ELAPOR2: variants seen among roughly 807,000 people sequenced by gnomAD.
ELAPOR2 encodes the protein endosome/lysosome-associated apoptosis and autophagy regulator family member 2.
A neutral mutation model predicts 120.7 loss-of-function variants in ELAPOR2; 89 were observed. That is an observed-to-expected ratio of 0.74 (90% CI 0.62 to 0.88). ELAPOR2 has a LOEUF of 0.88. Ranked by LOEUF, ELAPOR2 falls within the 40% of genes least tolerant of loss-of-function variation. The probability of loss-of-function intolerance (pLI) is 0.00; values close to 1 mark genes in which losing one functional copy is unlikely to be tolerated. For missense variants in ELAPOR2, 1,134 were observed against 1,251.6 expected (o/e 0.91, Z 1.42); for synonymous variants, 444 against 444.9 (o/e 1.00, Z 0.03).
At chr7:87,049,950 A>C (rs1279453684) in intron 1 of ELAPOR2, among the ~76,000 whole-genome samples, 1 of 152,166 alleles carries the variant, frequency 6.6e-6, no homozygotes, top group East Asian at 1.9e-4. Flanking sequence ...TAGGTTCCTT[A>C]TAAAATAGAG....
At chr7:86,931,614 C>A (rs1790330070) in intron 8 of ELAPOR2, among the ~76,000 whole-genome samples, 1 of 151,750 alleles carries the variant, frequency 6.6e-6, no homozygotes, top group Admixed American at 6.6e-5. Context: ...CTAAGTCTCA[C>A]TAATTCAACA....
intron 3 of ELAPOR2, 141 bp from the exon 4 acceptor site, chr7:86,945,187 G>C: frequency 1.5e-6 from 1 of 652,794 alleles, no homozygotes; most frequent in Non-Finnish European, 2.5e-6. Context: ...AGACTCAAAG[G>C]CCAACTTTAT....
chr7:86,974,597 G>GTGTGTGTGTA (rs1554399268), intron 1 of ELAPOR2, among the ~76,000 whole-genome samples: 2 of 151,044 alleles, frequency 1.3e-5, no homozygotes, highest in Admixed American at 6.6e-5. Flanking sequence ...GTGTGTGTGT[G>GTGTGTGTGTA]TGTGTGTGTG....
At chr7:87,018,435 T>C (rs950330930) in intron 1 of ELAPOR2, among the ~76,000 whole-genome samples, 7 of 152,292 alleles carry the variant, frequency 4.6e-5, no homozygotes, top group Admixed American at 3.9e-4. Context: ...CCCTGACATG[T>C]AGGAATATTT....
At chr7:86,905,282 T>C (rs995839348) in intron 18 of ELAPOR2, among the ~76,000 whole-genome samples, 1 of 150,810 alleles carries the variant, frequency 6.6e-6, no homozygotes, top group African/African-American at 2.4e-5. Context: ...ACTTTTTTTT[T>C]TTTTCTGTCA....
intron 18 of ELAPOR2, among the ~76,000 whole-genome samples, 179 bp downstream of exon 18, chr7:86,907,491 C>T (rs1018813512): frequency 6.7e-6 from 1 of 149,798 alleles, no homozygotes; most frequent in Non-Finnish European, 1.5e-5. Flanking sequence ...TTAGATTGTA[C>T]AAGGACCTAT....
chr7:86,904,941 C>G (rs1788900907), intron 18 of ELAPOR2, among the ~76,000 whole-genome samples: 1 of 152,048 alleles, frequency 6.6e-6, no homozygotes, highest in African/African-American at 2.4e-5. Context: ...ACTTTTTGGT[C>G]AGCTTATGAA....
chr7:86,950,169 G>T (rs949062646), intron 2 of ELAPOR2, among the ~76,000 whole-genome samples: 2 of 152,316 alleles, frequency 1.3e-5, no homozygotes, highest in East Asian at 3.9e-4. Flanking sequence ...TGCTTATGAA[G>T]AGGAGCTAGT....
rs745996745 is a variant in ELAPOR2 at position 86,967,566 on chromosome 7, A to T, written c.190-2542T>A. Among the ~76,000 whole-genome samples, 59 of 152,206 alleles carry T rather than the reference A, an allele frequency of 3.9e-4. 2 individuals carry two copies. Among genetic ancestry groups the T allele is most frequent in the Admixed American group, 6.5e-5 (1 of 15,274 alleles). ...TTCTTATCATCCTAGCAAAATAATG[A>T]TACTGTGAAGTCATATGAATTTCAA... On this transcript the variant is annotated intron_variant, in intron 1 of 21. Transcript: ENST00000450689.
intron 3 of ELAPOR2, among the ~76,000 whole-genome samples, chr7:86,945,495 T>G (rs1445671163): frequency 6.6e-6 from 1 of 152,220 alleles, no homozygotes; most frequent in Non-Finnish European, 1.5e-5. Context: ...CTGTGTGTCA[T>G]GTGAAATGAA....
At position 86,892,934 on chromosome 7, in the gene ELAPOR2, T is replaced by C. The variant is rs1456347051; in HGVS notation, c.2852A>G (p.Lys951Arg). ...AGAGGGTACTTACTTTTGATTCTTT[T>C]TCCAGAAGTAGCAGGTCAGAGCCAC... Reference protein sequence around the residue: ...LLVALTCYFWKKNQKLEYKYS... With the variant: ...LLVALTCYFWRKNQKLEYKYS... Residue 951 changes from lysine (K) to arginine (R), a missense_variant, in exon 20 of 22, where the codon AAA becomes AGA. By Grantham distance (26) the Lys-to-Arg change is conservative. Around this residue, in one of 3 missense-constraint regions of ELAPOR2, gnomAD observed 831 missense variants for 867.6 expected, o/e 0.96. Transcript: ENST00000450689. The C allele has an allele frequency of 6.5e-7, 1 of 1,542,630 alleles. No homozygotes were observed. The highest frequency in any genetic ancestry group is 2.4e-5 in the Admixed American group (1 of 41,956).
In ELAPOR2 at chr7:86,906,662, C is replaced by T. The variant is rs1405723326; in HGVS notation, c.2558+1008G>A. Reference sequence around the variant, plus strand: ...TTCTCTTTAAAAATATATACTTTTGCTAATTTGATAGAGAAAAAAAATCTG... The same window carrying T: ...TTCTCTTTAAAAATATATACTTTTGTTAATTTGATAGAGAAAAAAAATCTG... On this transcript the variant is annotated intron_variant, in intron 18 of 21. Coordinates refer to ENST00000450689, the MANE Select transcript of ELAPOR2 (RefSeq NM_001142749.3). Among the ~76,000 whole-genome samples, 13 of 151,906 alleles carry T rather than the reference C, an allele frequency of 8.6e-5. No individual in the cohort carries two copies. In the East Asian group the frequency reaches 2.5e-3, roughly 29 times the overall value.
chr7:87,046,018 C>G (rs924594658), intron 1 of ELAPOR2, among the ~76,000 whole-genome samples: 3 of 151,892 alleles, frequency 2.0e-5, no homozygotes, highest in African/African-American at 4.8e-5. Context: ...TCAAGTTATC[C>G]TTGTTTGCAG....
Position 87,059,336 on chromosome 7 carries a change from G to A in ELAPOR2, c.178C>T (p.Pro60Ser). The A allele has an allele frequency of 8.0e-7, 1 of 1,248,526 alleles. No homozygotes were observed. Among genetic ancestry groups the A allele is most frequent in the South Asian group, 4.1e-5 (1 of 24,450 alleles). The allele number at this position is 1,248,526 out of a possible 1,614,324, so 77.3% of individuals were successfully genotyped here. ...CAGGTGCTGCTCACCTCCTGGCAAG[G>A]AGGAAGCGGGCGGCTGGAGGAGGAG... ...LPSSSSRPLP[P>S]CQEKDYHFEY... The change falls in exon 1 of 22, where the codon CCT becomes TCT. Residue 60 changes from proline (P) to serine (S), a missense_variant. By Grantham distance (74) the Pro-to-Ser change is moderately conservative. Coordinates refer to ENST00000450689, the MANE Select transcript of ELAPOR2 (RefSeq NM_001142749.3).
chr7:86,996,867 GA>G (rs1392047641), intron 1 of ELAPOR2, among the ~76,000 whole-genome samples: 2 of 152,140 alleles, frequency 1.3e-5, no homozygotes, highest in African/African-American at 4.8e-5. Flanking sequence ...GATACATTCT[GA>G]AGGTAGAACA....
intron 1 of ELAPOR2, among the ~76,000 whole-genome samples, chr7:87,047,305 G>A (rs567538958): frequency 6.6e-6 from 1 of 152,306 alleles, no homozygotes; most frequent in East Asian, 1.9e-4. Flanking sequence ...TACCACAGAA[G>A]CACAGACAAC....
intron 1 of ELAPOR2, among the ~76,000 whole-genome samples, chr7:87,041,498 A>T (rs1257323032): frequency 6.6e-6 from 1 of 152,202 alleles, no homozygotes; most frequent in Non-Finnish European, 1.5e-5. Flanking sequence ...CCAGAATTTC[A>T]TATCCAGCCA....
intron 21 of ELAPOR2, among the ~76,000 whole-genome samples, chr7:86,887,697 T>C (rs1799757533): frequency 6.6e-6 from 1 of 152,116 alleles, no homozygotes; most frequent in Non-Finnish European, 1.5e-5. Flanking sequence ...ATGGTACTAT[T>C]GAGCATTGTA....
At chr7:86,939,545 G>A (rs897780336) in intron 6 of ELAPOR2, among the ~76,000 whole-genome samples, 1 of 152,040 alleles carries the variant, frequency 6.6e-6, no homozygotes, top group Non-Finnish European at 1.5e-5. Context: ...AGGGTTCACC[G>A]ACTGCTCTCC....
Sources: allele counts gnomAD v4.1 joint callset (sites outside exome capture counted in the v4.1 genomes callset), GRCh38; gene constraint gnomAD v4.1.1; regional missense constraint gnomAD v4.1.1; transcripts MANE v1.5; gene names NCBI Gene and HGNC (gene_info 2026-07-23, HGNC 2026-07-21).